SLC2A9: variants seen among roughly 807,000 people sequenced by gnomAD.
SLC2A9 encodes the protein solute carrier family 2 member 9.
Under a neutral mutation model 50.6 loss-of-function variants are expected in SLC2A9, and 39 were observed. The observed-to-expected ratio is 0.77, with a 90% CI of 0.60 to 1.01. The LOEUF is 1.01. Ranked by LOEUF, SLC2A9 falls within the 50% of genes least tolerant of loss-of-function variation. The pLI, the probability that SLC2A9 is intolerant of heterozygous loss-of-function variation, is 0.00. For synonymous variants in SLC2A9, 324 were observed against 276.9 expected (o/e 1.17, Z -1.69); for missense variants, 686 against 677.6 (o/e 1.01, Z -0.14).
chr4:9,975,846 T>TA (rs1259166551), intron 5 of SLC2A9, among the ~76,000 whole-genome samples: 7 of 152,156 alleles, frequency 4.6e-5, no homozygotes, highest in Non-Finnish European at 7.4e-5. Context: ...GAAATTAACT[T>TA]AAGTGTCCAT....
chr4:10,010,993 G>A (rs567434748), intron 2 of SLC2A9, among the ~76,000 whole-genome samples: 1 of 152,276 alleles, frequency 6.6e-6, no homozygotes, highest in East Asian at 1.9e-4. Flanking sequence ...ATCATAGGAA[G>A]TGCGTGAGTC....
At chr4:9,778,373 G>A (rs1177835233), downstream of SLC2A9, among the ~76,000 whole-genome samples, 6 of 152,088 alleles carry the variant, frequency 3.9e-5, no homozygotes, top group African/African-American at 1.4e-4. Flanking sequence ...ACCTGCTTCA[G>A]CCTCCCAAAG....
In SLC2A9 at chr4:9,930,307, C is replaced by T. The variant is rs1745667443; in HGVS notation, c.815-9735G>A. ...AGTTTAGCAAATGCCAGGTCTTCCC[C>T]TAAAGACGGGTGGAAGGAAATGTAG... On this transcript the variant is annotated intron_variant, in intron 6 of 11. Coordinates refer to ENST00000264784, the MANE Select transcript of SLC2A9 (RefSeq NM_020041.3). Among the ~76,000 whole-genome samples, 4 of 152,218 alleles carry T rather than the reference C, an allele frequency of 2.6e-5. No homozygotes were observed. In the East Asian group the frequency reaches 7.7e-4, roughly 29 times the overall value.
rs185795933 is a variant in SLC2A9 at position 9,928,275 on chromosome 4, T to A, written c.815-7703A>T. ...TGACAGTACGCTGCCTCACAGAGATTTTCAAATTCAAGATGTAGTCAATCT... is the reference window on the plus strand; with the variant it reads ...TGACAGTACGCTGCCTCACAGAGATATTCAAATTCAAGATGTAGTCAATCT... On this transcript the variant is annotated intron_variant, in intron 6 of 11. Transcript: ENST00000264784. 2.0e-4 allele frequency among the ~76,000 whole-genome samples: 31 copies of A among 152,322 alleles called. 1 individual carries two copies. Among genetic ancestry groups the A allele is most frequent in the Admixed American group, 1.9e-3 (29 of 15,296 alleles).
At chr4:10,001,903 A>G (rs765882735) in intron 2 of SLC2A9, among the ~76,000 whole-genome samples, 1 of 152,218 alleles carries the variant, frequency 6.6e-6, no homozygotes, top group Non-Finnish European at 1.5e-5. Flanking sequence ...ACAGAAGCCA[A>G]ACATGCCAGA....
intron 5 of SLC2A9, among the ~76,000 whole-genome samples, chr4:9,971,440 C>T (rs1250059031): frequency 6.6e-6 from 1 of 152,122 alleles, no homozygotes; most frequent in African/African-American, 2.4e-5. Flanking sequence ...TAAATGCCTA[C>T]AGAATAGACA....
At chr4:10,009,234 C>G (rs1236109588) in intron 2 of SLC2A9, among the ~76,000 whole-genome samples, 1 of 152,174 alleles carries the variant, frequency 6.6e-6, no homozygotes, top group Non-Finnish European at 1.5e-5. Flanking sequence ...ACACCAGAGG[C>G]ACCTGCCAGG....
intron 10 of SLC2A9, among the ~76,000 whole-genome samples, chr4:9,840,463 GTTTT>G (rs1205545828): frequency 6.6e-6 from 1 of 151,854 alleles, no homozygotes; most frequent in Non-Finnish European, 1.5e-5. Context: ...TAGTTTTATT[GTTTT>G]TTTCTGACTT....
rs775383042 is a variant in SLC2A9 at position 9,890,650 on chromosome 4, C to T, written c.1175G>A (p.Gly392Asp). 1.2e-6 allele frequency: 2 copies of T among 1,614,160 alleles called. No homozygotes were observed. The highest frequency in any genetic ancestry group is 1.7e-6 in the Non-Finnish European group (2 of 1,180,028). ...GATGGTGAGGGTCCCAAAGAAGAGG[C>T]CCATGAGCCCAAAGCCACCAATGAG... ...PLLIGGFGLMGLFFGTLTITL... is the reference protein window; with the variant it reads ...PLLIGGFGLMDLFFGTLTITL... Residue 392 changes from glycine (G) to aspartate (D), a missense_variant, in exon 9 of 12, where the codon GGC (glycine) becomes GAC (aspartate). Physicochemically the swap from Gly to Asp is moderately conservative, Grantham distance 94 (BLOSUM62 -1). Coordinates refer to ENST00000264784, the MANE Select transcript of SLC2A9 (RefSeq NM_020041.3).
chr4:9,773,100 A>C (rs1376370418), intron 1 of SLC2A9, among the ~76,000 whole-genome samples: 2 of 152,190 alleles, frequency 1.3e-5, no homozygotes, highest in African/African-American at 4.8e-5. Context: ...CTCCTGAGTT[A>C]GCCATTTTAA....
At chr4:9,884,193 G>A (rs1577689791) in intron 10 of SLC2A9, among the ~76,000 whole-genome samples, 2 of 152,192 alleles carry the variant, frequency 1.3e-5, no homozygotes, top group Non-Finnish European at 2.9e-5. Context: ...ACTGATACAT[G>A]CTGTTAGTGA....
At chr4:9,812,431 T>C (rs113879685) in intron 3 of SLC2A9, among the ~76,000 whole-genome samples, 1 of 152,116 alleles carries the variant, frequency 6.6e-6, no homozygotes, top group Non-Finnish European at 1.5e-5. Context: ...TCCTGCAGTC[T>C]TGTTGTGAAA....
At chr4:10,027,405 C>A (rs1484579114) in intron 1 of SLC2A9, among the ~76,000 whole-genome samples, 1 of 152,200 alleles carries the variant, frequency 6.6e-6, no homozygotes, top group East Asian at 1.9e-4. Flanking sequence ...CATTTTCCTG[C>A]TCCCTGTTAC....
intron 3 of SLC2A9, among the ~76,000 whole-genome samples, chr4:9,818,014 C>T (rs1723860631): frequency 1.3e-5 from 2 of 152,172 alleles, no homozygotes; most frequent in Non-Finnish European, 1.5e-5. Flanking sequence ...TGCTACATTA[C>T]TTATAGTTTC....
At chr4:9,997,775 A>G (rs561772692) in intron 2 of SLC2A9, among the ~76,000 whole-genome samples, 1 of 142,476 alleles carries the variant, frequency 7.0e-6, no homozygotes, top group Admixed American at 6.7e-5. Context: ...AAAACTAGCC[A>G]TAAAAGAAAA....
chr4:9,994,466 A>G (rs1419987744), intron 3 of SLC2A9, among the ~76,000 whole-genome samples: 1 of 151,874 alleles, frequency 6.6e-6, no homozygotes, highest in African/African-American at 2.4e-5. Flanking sequence ...ACATCCTTTG[A>G]TCTGATCTTT....
intron 5 of SLC2A9, among the ~76,000 whole-genome samples, chr4:9,973,941 C>G (rs1020599567): frequency 1.3e-5 from 2 of 151,680 alleles, no homozygotes; most frequent in African/African-American, 4.8e-5. Context: ...TACCAGCAAA[C>G]CGAATCCAGT....
rs151313439 is a variant in SLC2A9, at chr4:9,918,382, C to A, written c.1002+2003G>T. Among the ~76,000 whole-genome samples, 682 of 152,238 alleles carry A rather than the reference C, an allele frequency of 4.5e-3. 8 individuals are homozygous for A. Among genetic ancestry groups the A allele is most frequent in the African/African-American group, 0.016 (661 of 41,532 alleles). Reference sequence around the variant, plus strand: ...GACCACAGTGTGGCTGTGATGCTGGCATTTGCCACTAAACAGCATGGGTCT... The same window carrying A: ...GACCACAGTGTGGCTGTGATGCTGGAATTTGCCACTAAACAGCATGGGTCT... On this transcript the variant is annotated intron_variant, in intron 7 of 11. Transcript: ENST00000264784.
At chr4:9,908,727 G>A (rs113572545) in intron 7 of SLC2A9, among the ~76,000 whole-genome samples, 402 of 152,006 alleles carry the variant, frequency 2.6e-3, no homozygotes, top group African/African-American at 9.1e-3. Flanking sequence ...AACAGGCCCT[G>A]GTGTGTGATG....
Sources: allele counts gnomAD v4.1 joint callset (sites outside exome capture counted in the v4.1 genomes callset), GRCh38; gene constraint gnomAD v4.1.1; transcripts MANE v1.5; gene names NCBI Gene and HGNC (gene_info 2026-07-23, HGNC 2026-07-21).